The following BEGAIN variants were observed in gnomAD, a reference collection of about 807,000 sequenced individuals.
The protein encoded by BEGAIN is brain-enriched guanylate kinase-associated protein.
BEGAIN carries 19 observed loss-of-function variants against 35.8 expected under a neutral mutation model. The ratio of observed to expected loss-of-function variants is 0.53; its 90% CI spans 0.37 to 0.78. The LOEUF (loss-of-function observed/expected upper bound fraction) is 0.78. BEGAIN is among the 30% of genes least tolerant of loss of function. The pLI, the probability that BEGAIN is intolerant of heterozygous loss-of-function variation, is 0.00. For missense variants in BEGAIN, 795 were observed against 853.6 expected, an observed-to-expected ratio of 0.93 and a Z score of 0.85; for synonymous variants, 462 against 388.6, an observed-to-expected ratio of 1.19 and a Z score of -2.22.
rs530060948 is a variant in BEGAIN, at chr14:100,542,397, G to T, written c.408+1461C>A. Among the ~76,000 whole-genome samples the T allele has an allele frequency of 2.0e-5, 3 of 152,214 alleles. No individual in the cohort carries two copies. The South Asian group carries it at 6.2e-4, about 31-fold the overall frequency. On this transcript the variant is annotated intron_variant, in intron 5 of 6. Transcript: ENST00000554140. The stretch of plus-strand genomic sequence containing the variant: ...AGGCATCCTTGCTGGTCCCTACTCC[G>T]TCCTGGGGCCTCCCTGCTTCTCATC...
chr14:100,558,058 C>T lies in BEGAIN; in HGVS notation c.71+9853G>A, dbSNP rs1052325638. On this transcript the variant is annotated intron_variant, in intron 2 of 6. Coordinates refer to ENST00000554140, the MANE Select transcript of BEGAIN (RefSeq NM_001385089.1). The surrounding 1 kb of genome is among the most constrained non-coding windows in gnomAD (Gnocchi z 4.6). The stretch of plus-strand genomic sequence containing the variant: ...TGCAGGTGGGGCTCCAGCTAGTCTC[C>T]CTCGCTCCTGAACCATCCATTTTTC... Among the ~76,000 whole-genome samples the T allele has an allele frequency of 2.6e-5, 4 of 152,138 alleles. No homozygotes were observed. Among genetic ancestry groups the T allele is most frequent in the African/African-American group, 9.7e-5 (4 of 41,430 alleles).
chr14:100,575,311 T>C lies in BEGAIN; in HGVS notation c.43-7372A>G, dbSNP rs529843092. Among the ~76,000 whole-genome samples, 152 of 152,130 alleles carry C rather than the reference T, an allele frequency of 1.0e-3. 2 individuals carry two copies. The highest frequency in any genetic ancestry group is 7.2e-4 in the Non-Finnish European group (49 of 68,018). ...AGGAAGGTACGAGGCACACAGTGGG[T>C]GCTCAAATCAACAGACAAGCCCCTG... On this transcript the variant is annotated intron_variant, in intron 1 of 6. Transcript: ENST00000554140.
rs564617120 is a variant in BEGAIN at position 100,581,287 on chromosome 14, C to G, written c.42+5962G>C. Among the ~76,000 whole-genome samples, 7 of 152,330 alleles carry G rather than the reference C, an allele frequency of 4.6e-5. No individual in the cohort carries two copies. In the South Asian group the frequency reaches 1.4e-3, roughly 32 times the overall value. On this transcript the variant is annotated intron_variant, in intron 1 of 6. Coordinates refer to ENST00000554140, the MANE Select transcript of BEGAIN (RefSeq NM_001385089.1). The stretch of plus-strand genomic sequence containing the variant: ...TTCTGGGGGCTCTGGCCAACCAGTC[C>G]TCTGAGCTGCTTCCAGAGTTTCAGG...
chr14:100,540,430 A>G, intron 6 of BEGAIN, 66 bp downstream of exon 6: 1 of 1,221,580 alleles, frequency 8.2e-7, no homozygotes, highest in Non-Finnish European at 1.2e-6. Flanking sequence ...GCTTTGGGGT[A>G]GCACTGGCAC....
chr14:100,569,036 C>T (rs2034964998), intron 1 of BEGAIN: 1 of 789,794 alleles, frequency 1.3e-6, no homozygotes, highest in Admixed American at 6.3e-5. Context: ...GCAGCCCGGC[C>T]GCAGCGCCAA....
intron 3 of BEGAIN, chr14:100,545,494 C>T (rs773513320): frequency 5.5e-4 from 510 of 929,424 alleles, no homozygotes; most frequent in Non-Finnish European, 6.4e-4. Context: ...CAGGGTGAGG[C>T]TGGAGACATC....
Position 100,538,473 on chromosome 14 carries a change from G to T in BEGAIN, c.1335C>A (p.Ile445=). 2 of 1,574,462 alleles carry T rather than the reference G, an allele frequency of 1.3e-6. No individual in the cohort carries two copies. The highest frequency in any genetic ancestry group is 8.6e-7 in the Non-Finnish European group (1 of 1,163,720). Residue 445 remains isoleucine (I), a synonymous_variant, in exon 7 of 7, where the codon ATC becomes ATA. Transcript: ENST00000554140. ...CGCTCACGGGGTAGGAGTAGGCGCCGATGTCCTCCACGCTCAGGGGACGCC... is the reference window on the plus strand; with the variant it reads ...CGCTCACGGGGTAGGAGTAGGCGCCTATGTCCTCCACGCTCAGGGGACGCC... The part of the protein sequence containing the change: ...GQWRPLSVED[I]GAYSYPVSAA...
intron 2 of BEGAIN, among the ~76,000 whole-genome samples, chr14:100,557,648 C>T (rs2033877982): frequency 6.6e-6 from 1 of 152,168 alleles, no homozygotes. Context: ...TCTCCATCCA[C>T]TGGGCTCCTG....
intron 2 of BEGAIN, among the ~76,000 whole-genome samples, chr14:100,565,291 A>G (rs1041497448): frequency 1.9e-4 from 29 of 152,314 alleles, no homozygotes; most frequent in African/African-American, 6.7e-4. Flanking sequence ...TCTCTACAGC[A>G]GGGACTGCGT....
intron 1 of BEGAIN, among the ~76,000 whole-genome samples, chr14:100,583,333 A>T (rs1159690484): frequency 6.6e-6 from 1 of 152,024 alleles, no homozygotes; most frequent in Middle Eastern, 3.2e-3. Flanking sequence ...TCTGTCCATC[A>T]TTCATGGACA....
At chr14:100,542,514 C>T (rs2031780342) in intron 5 of BEGAIN, among the ~76,000 whole-genome samples, 1 of 152,212 alleles carries the variant, frequency 6.6e-6, no homozygotes, top group Admixed American at 6.5e-5. Flanking sequence ...CATCTCCGCT[C>T]CAAGGGGTCC....
At chr14:100,550,708 G>A (rs575314333) in intron 2 of BEGAIN, among the ~76,000 whole-genome samples, 4 of 152,302 alleles carry the variant, frequency 2.6e-5, no homozygotes, top group Admixed American at 2.6e-4. Flanking sequence ...ACCAGAGAAG[G>A]GGGCCCAGCC....
chr14:100,555,227 G>T (rs1199547388), intron 2 of BEGAIN, among the ~76,000 whole-genome samples: 1 of 152,234 alleles, frequency 6.6e-6, no homozygotes, highest in African/African-American at 2.4e-5. Flanking sequence ...AAGGCCTTGT[G>T]CCCCAAGCCT....
rs773157827 is a variant in BEGAIN, at chr14:100,539,089, G to C, written c.719C>G (p.Pro240Arg). The C allele has an allele frequency of 1.9e-6, 3 of 1,611,388 alleles. No homozygotes were observed. The Admixed American group carries it at 5.0e-5, about 27-fold the overall frequency. ...ACTGCAGTAGATGTCTCCCTTGTAG[G>C]GGGGCCGCGGGCCTGGTTTCTCCAC... Reference protein sequence around the residue: ...DGVEKPGPRPPYKGDIYCSDT... With the variant: ...DGVEKPGPRPRYKGDIYCSDT... Residue 240 changes from proline (P) to arginine (R), a missense_variant, in exon 7 of 7, where the codon CCC becomes CGC. By Grantham distance (103) the Pro-to-Arg change is moderately radical. This residue lies in a region of BEGAIN where 664 missense variants were observed against 647.7 expected (regional missense o/e 1.03). Transcript: ENST00000554140.
intron 3 of BEGAIN, chr14:100,545,371 C>G (rs560492875): frequency 1.3e-5 from 16 of 1,211,574 alleles, no homozygotes; most frequent in Non-Finnish European, 1.7e-5. Context: ...CATCCACACG[C>G]GGAGCCAGTT....
intron 2 of BEGAIN, among the ~76,000 whole-genome samples, chr14:100,555,371 C>T (rs1404506873): frequency 3.3e-5 from 5 of 152,252 alleles, no homozygotes; most frequent in African/African-American, 1.2e-4. Context: ...CCTCATGGCT[C>T]AGAAGAGCCT....
intron 5 of BEGAIN, among the ~76,000 whole-genome samples, 196 bp from the exon 6 acceptor site, chr14:100,540,775 C>T (rs1397753655): frequency 6.6e-6 from 1 of 152,228 alleles, no homozygotes; most frequent in Admixed American, 6.5e-5. Flanking sequence ...CTCTTTCTGA[C>T]CTGGGGCTGC....
intron 2 of BEGAIN, among the ~76,000 whole-genome samples, chr14:100,565,282 C>G (rs536831748): frequency 6.6e-6 from 1 of 152,192 alleles, no homozygotes; most frequent in South Asian, 2.1e-4. Flanking sequence ...GAAGGGCATT[C>G]TCTACAGCAG....
chr14:100,554,307 G>A (rs963121227), intron 2 of BEGAIN, among the ~76,000 whole-genome samples: 66 of 152,280 alleles, frequency 4.3e-4, no homozygotes, highest in African/African-American at 1.5e-3. Flanking sequence ...ACAGTCAGCC[G>A]AGGGCCCGAG....
Sources: gnomAD v4.1 joint callset for allele counts (sites outside exome capture counted in the v4.1 genomes callset) on GRCh38, gnomAD v4.1.1 for gene constraint, gnomAD v4.1.1 regional missense constraint, Gnocchi (gnomAD v3.1) non-coding constraint, MANE v1.5 for transcripts, NCBI Gene and HGNC (gene_info 2026-07-23, HGNC 2026-07-21) for gene names.